Variants in UNC13D observed in about 807,000 individuals in gnomAD.
UNC13D encodes unc-13 homolog D, also known as protein unc-13 homolog D.
Under a neutral mutation model 151.7 loss-of-function variants are expected in UNC13D, and 115 were observed. The observed-to-expected ratio is 0.76, with a 90% CI of 0.65 to 0.88. The LOEUF (loss-of-function observed/expected upper bound fraction) is 0.88, where lower values mean the gene tolerates loss of function less well. Among genes scored for constraint, UNC13D ranks in the 40% least tolerant of loss-of-function variants. The probability of loss-of-function intolerance (pLI) is 0.00; values close to 1 mark genes in which losing one functional copy is unlikely to be tolerated. For synonymous variants in UNC13D, 588 were observed against 612.2 expected (o/e 0.96, Z 0.58); for missense variants, 1,369 against 1,438.7 (o/e 0.95, Z 0.78).
At chr17:75,829,115 C>T in intron 30 of UNC13D, 132 bp from the exon 31 acceptor site, 1 of 1,176,950 alleles carries the variant, frequency 8.5e-7, no homozygotes, top group Non-Finnish European at 1.2e-6. Context: ...CCTGGCACCT[C>T]TCAGCCATGT....
chr17:75,833,855 C>A lies in UNC13D; in HGVS notation c.2367+220G>T, dbSNP rs967132599. On this transcript the variant is annotated intron_variant, in intron 24 of 31. Coordinates refer to ENST00000207549, the MANE Select transcript of UNC13D (RefSeq NM_199242.3). The surrounding 1 kb of genome is among the most constrained non-coding windows in gnomAD (Gnocchi z 4.0). ...GCCTGTTTGGCTGCAAAGTCTAAGC[C>A]GTCCCCAACTGCAGCCCCCTCATTG... 6.6e-6 allele frequency among the ~76,000 whole-genome samples: 1 copy of A among 152,170 alleles called. No homozygotes were observed. Among genetic ancestry groups the A allele is most frequent in the African/African-American group, 2.4e-5 (1 of 41,414 alleles).
At chr17:75,834,228 C>A in intron 23 of UNC13D, 85 bp from the exon 24 acceptor site, 1 of 1,591,078 alleles carries the variant, frequency 6.3e-7, no homozygotes, top group Non-Finnish European at 8.5e-7. Flanking sequence ...TTTAGACGCA[C>A]GAAGGGGTCA....
chr17:75,835,317 T>C (rs766184280), intron 20 of UNC13D, 92 bp downstream of exon 20: 8 of 1,522,490 alleles, frequency 5.3e-6, no homozygotes, highest in Non-Finnish European at 7.1e-6. Flanking sequence ...CAGAGCGGGT[T>C]ACTGGCTTTT....
Position 75,832,900 on chromosome 17 carries a change from G to A in UNC13D, c.2447+66C>T. Reference sequence around the variant, plus strand: ...CCTCAGAACGGATGCTGGGGCCCAGGAAGGAGGGGCCGTGGGAGGAGAGGG... The same window carrying A: ...CCTCAGAACGGATGCTGGGGCCCAGAAAGGAGGGGCCGTGGGAGGAGAGGG... On this transcript the variant is annotated intron_variant, in intron 25 of 31. Transcript: ENST00000207549. The surrounding 1 kb of genome is among the most constrained non-coding windows in gnomAD (Gnocchi z 4.3). 2 of 1,490,448 alleles carry A rather than the reference G, an allele frequency of 1.3e-6. No individual in the cohort carries two copies. The highest frequency in any genetic ancestry group is 1.8e-6 in the Non-Finnish European group (2 of 1,094,580). The allele number at this position is 1,490,448 out of a possible 1,614,324, so 92.3% of individuals were successfully genotyped here.
chr17:75,839,392 G>A (rs1318953866), intron 12 of UNC13D, among the ~76,000 whole-genome samples: 1 of 140,362 alleles, frequency 7.1e-6, no homozygotes, highest in African/African-American at 3.0e-5. Flanking sequence ...GGCAACAAGG[G>A]TGAAACTCCG....
rs2143869864 is a variant in UNC13D at position 75,832,341 on chromosome 17, G to A, written c.2447+625C>T. 6.5e-6 allele frequency: 1 copy of A among 152,764 alleles called. No individual in the cohort carries two copies. The highest frequency in any genetic ancestry group is 2.4e-5 in the African/African-American group (1 of 41,548). 9.5% of individuals were successfully genotyped at this position (152,764 alleles called of 1,614,324 possible). A position where few individuals can be genotyped will look rare whatever the true frequency, so the allele number is the denominator to read the frequency against. ...TGACACCACGCTCAGCACCTCACATGACCCATTTAATCCTCAACAGAAGCC... is the reference window on the plus strand; with the variant it reads ...TGACACCACGCTCAGCACCTCACATAACCCATTTAATCCTCAACAGAAGCC... On this transcript the variant is annotated intron_variant, in intron 25 of 31. Transcript: ENST00000207549. This position sits in a 1 kb window ranked among gnomAD's most constrained non-coding sequence, Gnocchi z 4.3.
rs765251640 is a variant in UNC13D at position 75,836,579 on chromosome 17, G to A, written c.1291C>T (p.Leu431Phe). 2.5e-6 allele frequency: 4 copies of A among 1,613,620 alleles called. No individual in the cohort carries two copies. The Admixed American group carries it at 5.0e-5, about 20-fold the overall frequency. ...VSDSPARLQS[L>F]LRVLVQMCKM... ...AGGAAGGCAGCCACTGACCTGAGAA[G>A]AGACTGCAGCCGGGCTGGGGAGTCC... Residue 431 changes from leucine to phenylalanine, a missense_variant, in exon 14 of 32, where the codon CTT becomes TTT. Leu to Phe is a conservative substitution (Grantham distance 22). Transcript: ENST00000207549.
At position 75,837,754 on chromosome 17, in the gene UNC13D, C is replaced by CAA. The variant is rs56040848; in HGVS notation, c.1056-838_1056-837dup. ...GGGCGACAAGAGGGAAACTCCAGCT[C>CAA]AAAAAAAAAAAAGAAAAGAAAAGAA... On this transcript the variant is annotated intron_variant, in intron 12 of 31. Coordinates refer to ENST00000207549, the MANE Select transcript of UNC13D (RefSeq NM_199242.3). Among the ~76,000 whole-genome samples the CAA allele has an allele frequency of 3.2e-5, 4 of 125,224 alleles. 1 individual carries two copies. The highest frequency in any genetic ancestry group is 2.3e-4 in the East Asian group (1 of 4,438). 82.2% of individuals were successfully genotyped at this position (125,224 alleles called of 152,430 possible).
Position 75,834,524 on chromosome 17 carries a change from A to G in UNC13D, c.2099T>C (p.Val700Ala). The G allele has an allele frequency of 6.3e-7, 1 of 1,591,948 alleles. No homozygotes were observed. The highest frequency in any genetic ancestry group is 8.6e-7 in the Non-Finnish European group (1 of 1,169,122). Residue 700 changes from valine to alanine, a missense_variant, in exon 23 of 32, where the codon GTG becomes GCG. By Grantham distance (64) the Val-to-Ala change is moderately conservative (BLOSUM62 0). This residue lies in a region of UNC13D where 807 missense variants were observed against 795.5 expected (regional missense o/e 1.01). Coordinates refer to ENST00000207549, the MANE Select transcript of UNC13D (RefSeq NM_199242.3). ...DQGQAANMLC[V>A]VVNDMEQLRL... is the part of the protein sequence containing the mutation. ...CAGCTGCTCCATGTCATTCACCACC[A>G]CACACAGCTGGGACAGAGATGCAGA... is the stretch of plus-strand genomic sequence containing the variant.
intron 1 of UNC13D, chr17:75,843,799 C>CA: frequency 7.2e-7 from 1 of 1,393,260 alleles, no homozygotes; most frequent in Non-Finnish European, 9.3e-7. Flanking sequence ...CTCTGCTTAT[C>CA]AGTGGCGGCT....
intron 1 of UNC13D, 128 bp downstream of exon 1, chr17:75,844,093 G>T (rs1186364999): frequency 6.7e-7 from 1 of 1,497,550 alleles, no homozygotes; most frequent in African/African-American, 1.4e-5. Flanking sequence ...CCAGGGTGGA[G>T]TAGGCAGGGG....
At chr17:75,844,090 G>C (rs911779004) in intron 1 of UNC13D, 131 bp downstream of exon 1, 1 of 1,491,312 alleles carries the variant, frequency 6.7e-7, no homozygotes, top group Non-Finnish European at 9.1e-7. Context: ...TCCCCAGGGT[G>C]GAGTAGGCAG....
At position 75,829,731 on chromosome 17, in the gene UNC13D, C is replaced by T. The variant is rs1458764224; in HGVS notation, c.2954+297G>A. ...TCAGCCTCCCGAGTAGCTGAGAGTACAGGTACCCACCATCATGCCCGGCTA... is the reference window on the plus strand; with the variant it reads ...TCAGCCTCCCGAGTAGCTGAGAGTATAGGTACCCACCATCATGCCCGGCTA... On this transcript the variant is annotated intron_variant, in intron 30 of 31. Transcript: ENST00000207549. 4 of 377,226 alleles carry T rather than the reference C, an allele frequency of 1.1e-5. No homozygotes were observed. The Admixed American group carries it at 1.5e-4, about 14-fold the overall frequency. The allele number at this position is 377,226 out of a possible 1,614,324, so 23.4% of individuals were successfully genotyped here.
chr17:75,832,964 A>G lies in UNC13D; in HGVS notation c.2447+2T>C, dbSNP rs1471901138. On this transcript the variant is annotated splice_donor_variant, in intron 25 of 31. Transcript: ENST00000207549. LOFTEE classifies it high-confidence loss of function. The surrounding 1 kb of genome is among the most constrained non-coding windows in gnomAD (Gnocchi z 4.3). Reference sequence around the variant, plus strand: ...GCGCCCAGGGCAGGGGCTGCTACAGACCTGCTGAAGTTCTCCTGCACCAAG... The same window carrying G: ...GCGCCCAGGGCAGGGGCTGCTACAGGCCTGCTGAAGTTCTCCTGCACCAAG... 2.5e-6 allele frequency: 4 copies of G among 1,579,276 alleles called. No individual in the cohort carries two copies. The highest frequency in any genetic ancestry group is 3.7e-5 in the Admixed American group (2 of 53,372).
rs571854272 is a variant in UNC13D at position 75,833,111 on chromosome 17, C to T, written c.2368-66G>A. 13 of 1,494,854 alleles carry T rather than the reference C, an allele frequency of 8.7e-6. No individual in the cohort carries two copies. The highest frequency in any genetic ancestry group is 2.4e-5 in the South Asian group (2 of 82,908). 92.6% of individuals were successfully genotyped at this position (1,494,854 alleles called of 1,614,324 possible). On this transcript the variant is annotated intron_variant, in intron 24 of 31. Coordinates refer to ENST00000207549, the MANE Select transcript of UNC13D (RefSeq NM_199242.3). The surrounding 1 kb of genome is among the most constrained non-coding windows in gnomAD (Gnocchi z 4.0). ...GTTGGCCCCACCCCCATCCCCTTCC[C>T]CTGACCTGGAGGGAGGAAACAGGGC...
Position 75,830,163 on chromosome 17 carries a change from C to CCGGGGAGTGTG in UNC13D, c.2831-23_2831-13dup. On this transcript the variant is annotated splice_polypyrimidine_tract_variant and intron_variant, in intron 29 of 31. Coordinates refer to ENST00000207549, the MANE Select transcript of UNC13D (RefSeq NM_199242.3). ...GGGGTCGCTGGAGCCTGGTAAGTGG[C>CCGGGGAGTGTG]CGGGGAGTGTGCGTCAGCTGAGGGT... 6.3e-7 allele frequency: 1 copy of CCGGGGAGTGTG among 1,586,438 alleles called. No individual in the cohort carries two copies. The highest frequency in any genetic ancestry group is 1.2e-5 in the South Asian group (1 of 86,690).
At chr17:75,830,716 A>G in intron 27 of UNC13D, 55 bp from the exon 28 acceptor site, 1 of 1,543,840 alleles carries the variant, frequency 6.5e-7, no homozygotes, top group Non-Finnish European at 8.8e-7. Context: ...ACCACAGCCC[A>G]GGCCTGCCCT....
chr17:75,832,309 T>A lies in UNC13D; in HGVS notation c.2447+657A>T, dbSNP rs2143869781. On this transcript the variant is annotated intron_variant, in intron 25 of 31. Coordinates refer to ENST00000207549, the MANE Select transcript of UNC13D (RefSeq NM_199242.3). The surrounding 1 kb of genome is among the most constrained non-coding windows in gnomAD (Gnocchi z 4.3). ...CCGCTAATAGTCACTGACCACTTCC[T>A]TTGTACTGACACCACGCTCAGCACC... is the stretch of plus-strand genomic sequence containing the variant. 1 of 152,542 alleles carries A rather than the reference T, an allele frequency of 6.6e-6. No homozygotes were observed. Among genetic ancestry groups the A allele is most frequent in the South Asian group, 2.1e-4 (1 of 4,832 alleles). 9.4% of individuals were successfully genotyped at this position (152,542 alleles called of 1,614,324 possible).
In UNC13D at chr17:75,827,327, G is replaced by T; in HGVS notation, c.*638C>A. ...GGGGGCGTGCGCAGCAGACACAGCA[G>T]CCAAACTGTCCTTTCTGCTTCCGTC... On this transcript the variant is annotated 3_prime_UTR_variant, in exon 32 of 32. Coordinates refer to ENST00000207549, the MANE Select transcript of UNC13D (RefSeq NM_199242.3). The T allele has an allele frequency of 1.1e-6, 1 of 932,646 alleles. No homozygotes were observed. The highest frequency in any genetic ancestry group is 1.5e-6 in the Non-Finnish European group (1 of 676,560). The allele number at this position is 932,646 out of a possible 1,614,324, so 57.8% of individuals were successfully genotyped here. A position where few individuals can be genotyped will look rare whatever the true frequency, so the allele number is the denominator to read the frequency against.
Sources: allele counts gnomAD v4.1 joint callset (sites outside exome capture counted in the v4.1 genomes callset), GRCh38; gene constraint gnomAD v4.1.1; regional missense constraint gnomAD v4.1.1; non-coding constraint Gnocchi (gnomAD v3.1); transcripts MANE v1.5; gene names NCBI Gene and HGNC (gene_info 2026-07-23, HGNC 2026-07-21).